The following DTWD2 variants were observed in gnomAD, a reference collection of about 807,000 sequenced individuals.
DTWD2 encodes the protein DTW motif tRNA-uridine aminocarboxypropyltransferase 2.
DTWD2 carries 39 observed loss-of-function variants against 31.8 expected under a neutral mutation model. The ratio of observed to expected loss-of-function variants is 1.22; its 90% CI spans 0.95 to 1.60. The LOEUF is 1.60. Ranked by LOEUF, DTWD2 falls within the 40% of genes most tolerant of loss-of-function variation. The pLI is 0.00. For missense variants in DTWD2, 515 were observed against 381.5 expected, an observed-to-expected ratio of 1.35 and a Z score of -2.92; for synonymous variants, 180 against 142.8, an observed-to-expected ratio of 1.26 and a Z score of -1.86.
chr5:118,859,313 T>C (rs917852921), intron 4 of DTWD2, among the ~76,000 whole-genome samples: 3 of 152,158 alleles, frequency 2.0e-5, no homozygotes, highest in Non-Finnish European at 4.4e-5. Context: ...TATTTTCAGA[T>C]TAATGAGTTA....
chr5:118,899,697 A>G (rs1753161260), intron 4 of DTWD2, among the ~76,000 whole-genome samples: 2 of 152,096 alleles, frequency 1.3e-5, no homozygotes, highest in Admixed American at 1.3e-4. Flanking sequence ...TGCCCTCCCT[A>G]CAAAAGAAAC....
chr5:118,888,281 C>A (rs544687174), intron 4 of DTWD2, among the ~76,000 whole-genome samples: 1 of 152,242 alleles, frequency 6.6e-6, no homozygotes, highest in South Asian at 2.1e-4. Context: ...TCCATCAAGG[C>A]TAGCAATGGA....
chr5:118,899,148 G>A (rs184675902), intron 4 of DTWD2, among the ~76,000 whole-genome samples: 7 of 152,252 alleles, frequency 4.6e-5, no homozygotes, highest in Non-Finnish European at 8.8e-5. Flanking sequence ...TTTTGTTGGC[G>A]ATTCCACTAC....
At chr5:118,859,430 C>T (rs1356461375) in intron 4 of DTWD2, among the ~76,000 whole-genome samples, 1 of 152,092 alleles carries the variant, frequency 6.6e-6, no homozygotes, top group Non-Finnish European at 1.5e-5. Flanking sequence ...ATATGTTTTA[C>T]ATGTTGCATA....
chr5:118,937,616 G>A (rs1483295521), intron 3 of DTWD2, among the ~76,000 whole-genome samples: 1 of 152,084 alleles, frequency 6.6e-6, no homozygotes, highest in African/African-American at 2.4e-5. Flanking sequence ...AAACCTAAAG[G>A]TCAATACCAG....
At chr5:118,852,862 A>C (rs556721687) in intron 4 of DTWD2, among the ~76,000 whole-genome samples, 3 of 152,328 alleles carry the variant, frequency 2.0e-5, no homozygotes, top group East Asian at 1.9e-4. Context: ...GTACATATAC[A>C]TCATGGAACA....
At chr5:118,921,752 A>G (rs1410125529) in intron 4 of DTWD2, among the ~76,000 whole-genome samples, 1 of 152,240 alleles carries the variant, frequency 6.6e-6, no homozygotes, top group East Asian at 1.9e-4. Flanking sequence ...TAGCCTATTC[A>G]GAATCTACAT....
At chr5:118,973,543 G>A (rs760958790) in intron 1 of DTWD2, among the ~76,000 whole-genome samples, 35 of 151,910 alleles carry the variant, frequency 2.3e-4, no homozygotes, top group Non-Finnish European at 4.1e-4. Context: ...TGAAATTCTA[G>A]GTTAAAAATT....
chr5:118,915,338 G>A (rs1753549831), intron 4 of DTWD2, among the ~76,000 whole-genome samples: 1 of 151,354 alleles, frequency 6.6e-6, no homozygotes, highest in East Asian at 1.9e-4. Flanking sequence ...ACCAGGACAA[G>A]CCCCCAAAAT....
At chr5:118,857,064 A>G (rs2149542563) in intron 4 of DTWD2, among the ~76,000 whole-genome samples, 1 of 152,152 alleles carries the variant, frequency 6.6e-6, no homozygotes, top group African/African-American at 2.4e-5. Context: ...GGCATGAGCC[A>G]CCGCACCCGG....
At chr5:118,848,069 T>C (rs1373288330) in intron 5 of DTWD2, 21 bp downstream of exon 5, 1 of 1,517,108 alleles carries the variant, frequency 6.6e-7, no homozygotes, top group Non-Finnish European at 8.8e-7. Context: ...TTTGAAAAAC[T>C]ATAACCTTAC....
intron 1 of DTWD2, among the ~76,000 whole-genome samples, chr5:118,951,842 G>C (rs993719828): frequency 2.0e-5 from 3 of 152,160 alleles, no homozygotes; most frequent in Admixed American, 1.3e-4. Flanking sequence ...ATCAAGGCAG[G>C]CGTCCCCATG....
At chr5:118,876,789 T>C (rs1391011470) in intron 4 of DTWD2, among the ~76,000 whole-genome samples, 1 of 152,170 alleles carries the variant, frequency 6.6e-6, no homozygotes, top group African/African-American at 2.4e-5. Context: ...AGCTGAACTC[T>C]GCCAAATGTA....
intron 4 of DTWD2, among the ~76,000 whole-genome samples, chr5:118,880,247 TA>T (rs1752713198): frequency 3.3e-5 from 5 of 152,214 alleles, no homozygotes; most frequent in African/African-American, 1.2e-4. Context: ...TTACCATCTC[TA>T]AAATTAGGAT....
intron 4 of DTWD2, among the ~76,000 whole-genome samples, chr5:118,872,274 G>A (rs1752522895): frequency 6.6e-6 from 1 of 152,194 alleles, no homozygotes; most frequent in African/African-American, 2.4e-5. Context: ...GTTCACTGGA[G>A]TAACACTTTT....
At chr5:118,866,341 A>G (rs1465650374) in intron 4 of DTWD2, among the ~76,000 whole-genome samples, 1 of 152,216 alleles carries the variant, frequency 6.6e-6, no homozygotes, top group African/African-American at 2.4e-5. Context: ...AATCATTTCT[A>G]CAGACAGCAT....
At chr5:118,868,684 T>G (rs1402712992) in intron 4 of DTWD2, among the ~76,000 whole-genome samples, 1 of 151,216 alleles carries the variant, frequency 6.6e-6, no homozygotes, top group African/African-American at 2.4e-5. Context: ...CCAAAAACAT[T>G]AAAAATTAGC....
At chr5:118,980,958 T>C (rs528184015) in intron 1 of DTWD2, among the ~76,000 whole-genome samples, 29 of 152,298 alleles carry the variant, frequency 1.9e-4, no homozygotes, top group African/African-American at 6.5e-4. Context: ...CAAGCATTCA[T>C]CAACAGATGA....
intron 4 of DTWD2, among the ~76,000 whole-genome samples, chr5:118,877,220 C>G (rs577311990): frequency 1.5e-3 from 222 of 152,314 alleles, no homozygotes; most frequent in Non-Finnish European, 2.5e-3. Flanking sequence ...TGCCTATAAT[C>G]CCAGCACTTT....
Sources: gnomAD v4.1 joint callset for allele counts (sites outside exome capture counted in the v4.1 genomes callset) on GRCh38, gnomAD v4.1.1 for gene constraint, MANE v1.5 for transcripts, NCBI Gene and HGNC (gene_info 2026-07-23, HGNC 2026-07-21) for gene names.